GRAMD1C: variants seen among roughly 807,000 people sequenced by gnomAD.
GRAMD1C encodes protein Aster-C.
Under a neutral mutation model 97.8 loss-of-function variants are expected in GRAMD1C, and 89 were observed. The ratio of observed to expected loss-of-function variants is 0.91; its 90% CI spans 0.77 to 1.09. The LOEUF is 1.09. Ranked by LOEUF, GRAMD1C falls within the 50% of genes least tolerant of loss-of-function variation. The pLI is 0.00. For synonymous variants in GRAMD1C, 256 were observed against 267.0 expected (o/e 0.96, Z 0.40); for missense variants, 740 against 766.4 (o/e 0.97, Z 0.41).
chr3:113,932,870 TA>T (rs1279748883), intron 11 of GRAMD1C, among the ~76,000 whole-genome samples: 1 of 136,220 alleles, frequency 7.3e-6, no homozygotes, highest in Non-Finnish European at 1.5e-5. Flanking sequence ...CAACCCCAAC[TA>T]ATATTTTCTT....
intron 6 of GRAMD1C, among the ~76,000 whole-genome samples, chr3:113,892,098 C>T (rs1298082659): frequency 1.3e-5 from 2 of 151,924 alleles, no homozygotes; most frequent in East Asian, 3.8e-4. Flanking sequence ...TAAAATAAAT[C>T]CACAAGACTG....
chr3:113,876,047 A>G (rs1435767351), intron 4 of GRAMD1C, 118 bp from the exon 5 acceptor site: 3 of 610,020 alleles, frequency 4.9e-6, no homozygotes, highest in South Asian at 4.5e-5. Flanking sequence ...AAGTCGAAAA[A>G]CCTGAAGAAT....
intron 6 of GRAMD1C, among the ~76,000 whole-genome samples, chr3:113,899,852 T>C (rs911147884): frequency 9.8e-5 from 15 of 152,326 alleles, no homozygotes; most frequent in African/African-American, 3.6e-4. Context: ...CAAGCTGGAC[T>C]TTATTAAAGA....
intron 6 of GRAMD1C, among the ~76,000 whole-genome samples, chr3:113,893,229 A>G (rs1935805277): frequency 6.6e-6 from 1 of 152,068 alleles, no homozygotes; most frequent in South Asian, 2.1e-4. Context: ...TTTAAAAAAA[A>G]ATGCTTGCTT....
chr3:113,869,791 T>C (rs1269687083), intron 3 of GRAMD1C, among the ~76,000 whole-genome samples, 200 bp downstream of exon 3: 1 of 152,198 alleles, frequency 6.6e-6, no homozygotes, highest in Non-Finnish European at 1.5e-5. Flanking sequence ...TGAAGAGATA[T>C]CTGCACATTC....
intron 6 of GRAMD1C, among the ~76,000 whole-genome samples, chr3:113,891,793 A>T (rs1165188791): frequency 6.6e-6 from 1 of 151,884 alleles, no homozygotes; most frequent in Non-Finnish European, 1.5e-5. Context: ...AGGCTGAGGT[A>T]GGAGGATCAC....
At chr3:113,852,783 T>C (rs931279587) in intron 2 of GRAMD1C, among the ~76,000 whole-genome samples, 1 of 152,178 alleles carries the variant, frequency 6.6e-6, no homozygotes, top group Non-Finnish European at 1.5e-5. Context: ...TTATAAAGCC[T>C]GACTCCCATA....
At chr3:113,843,968 A>C (rs1933494832) in intron 1 of GRAMD1C, among the ~76,000 whole-genome samples, 1 of 152,240 alleles carries the variant, frequency 6.6e-6, no homozygotes, top group Admixed American at 6.5e-5. Flanking sequence ...AAATAGTTGT[A>C]CAAACGGACA....
chr3:113,915,694 TTTCCAGAAAATG>T lies in GRAMD1C; in HGVS notation c.953-2_962del. On this transcript the variant is annotated splice_acceptor_variant and splice_polypyrimidine_tract_variant and coding_sequence_variant and intron_variant, in exon 10 of 18. Transcript: ENST00000358160. LOFTEE classifies it high-confidence loss of function. ...TTCTCTTTTGGTTTGTGTTTCTGTT[TTTCCAGAAAATG>T]TTCCTGAGAAAGATCTTCATGGAAG... The T allele has an allele frequency of 1.2e-6, 2 of 1,605,320 alleles. No individual in the cohort carries two copies. Among genetic ancestry groups the T allele is most frequent in the Non-Finnish European group, 1.7e-6 (2 of 1,174,964 alleles).
intron 2 of GRAMD1C, among the ~76,000 whole-genome samples, chr3:113,847,765 T>C (rs573427078): frequency 1.1e-4 from 17 of 152,278 alleles, no homozygotes; most frequent in African/African-American, 4.1e-4. Flanking sequence ...AGGGGATCAC[T>C]CGAGCCCAGG....
rs116613236 is a variant in GRAMD1C, at chr3:113,878,079, C to T, written c.459+1819C>T. Among the ~76,000 whole-genome samples, 1,274 of 152,264 alleles carry T rather than the reference C, an allele frequency of 8.4e-3. 13 individuals carry two copies. Among genetic ancestry groups the T allele is most frequent in the Middle Eastern group, 0.041 (12 of 294 alleles). On this transcript the variant is annotated intron_variant, in intron 5 of 17. Transcript: ENST00000358160. ...ACAAGTGTGAGCCACTGCGCCCAGCCTGGGGAAAGGTATTTTGAAACTATG... is the reference window on the plus strand; with the variant it reads ...ACAAGTGTGAGCCACTGCGCCCAGCTTGGGGAAAGGTATTTTGAAACTATG...
At chr3:113,896,944 G>A (rs570137908) in intron 6 of GRAMD1C, among the ~76,000 whole-genome samples, 1 of 152,284 alleles carries the variant, frequency 6.6e-6, no homozygotes, top group Non-Finnish European at 1.5e-5. Context: ...CCAGATCACT[G>A]CCAGGGAATT....
At chr3:113,839,743 A>G (rs1423936263) in intron 1 of GRAMD1C, among the ~76,000 whole-genome samples, 1 of 152,230 alleles carries the variant, frequency 6.6e-6, no homozygotes, top group Non-Finnish European at 1.5e-5. Flanking sequence ...ATTAACACAG[A>G]CATGATCCCT....
At chr3:113,876,335 A>C (rs1935032611) in intron 5 of GRAMD1C, 75 bp downstream of exon 5, 1 of 749,834 alleles carries the variant, frequency 1.3e-6, no homozygotes, top group African/African-American at 1.8e-5. Flanking sequence ...CAATGTTGGG[A>C]AATTAGGCAG....
chr3:113,876,161 T>G lies in GRAMD1C; in HGVS notation c.364-4T>G. 6.7e-7 allele frequency: 1 copy of G among 1,484,138 alleles called. No individual in the cohort carries two copies. The highest frequency in any genetic ancestry group is 9.3e-7 in the Non-Finnish European group (1 of 1,070,620). 91.9% of individuals were successfully genotyped at this position (1,484,138 alleles called of 1,614,324 possible). A position where few individuals can be genotyped will look rare whatever the true frequency, so the allele number is the denominator to read the frequency against. ...TACATTAAAAAAATTTTTTGTGTGT[T>G]TAGATTTCTATTGCTTTAAAGAATA... On this transcript the variant is annotated splice_polypyrimidine_tract_variant and splice_region_variant and intron_variant, in intron 4 of 17. Coordinates refer to ENST00000358160, the MANE Select transcript of GRAMD1C (RefSeq NM_017577.5).
chr3:113,911,561 A>AC (rs781477690), intron 9 of GRAMD1C, among the ~76,000 whole-genome samples: 5 of 151,494 alleles, frequency 3.3e-5, no homozygotes, highest in Admixed American at 2.0e-4. Flanking sequence ...TCTGGGACCC[A>AC]CCTTATTTAA....
intron 8 of GRAMD1C, among the ~76,000 whole-genome samples, chr3:113,906,877 C>T (rs114612515): frequency 0.028 from 4,301 of 152,180 alleles, 216 homozygotes; most frequent in African/African-American, 0.098. Context: ...TGTTTACATA[C>T]GTTTAGATAC....
At chr3:113,871,036 G>A (rs925265347) in intron 3 of GRAMD1C, among the ~76,000 whole-genome samples, 1 of 141,044 alleles carries the variant, frequency 7.1e-6, no homozygotes, top group African/African-American at 2.7e-5. Context: ...GGAATATTAA[G>A]TACTAAGAAA....
At chr3:113,944,459 C>A (rs1937969374) in intron 17 of GRAMD1C, among the ~76,000 whole-genome samples, 1 of 152,204 alleles carries the variant, frequency 6.6e-6, no homozygotes, top group East Asian at 1.9e-4. Flanking sequence ...CTCATACAGT[C>A]ACTTGCCTAC....
Sources: gnomAD v4.1 joint callset for allele counts (sites outside exome capture counted in the v4.1 genomes callset) on GRCh38, gnomAD v4.1.1 for gene constraint, MANE v1.5 for transcripts, NCBI Gene and HGNC (gene_info 2026-07-23, HGNC 2026-07-21) for gene names.